Variants in ADAMTS17 observed in about 807,000 individuals in gnomAD.
The protein encoded by ADAMTS17 is ADAM metallopeptidase with thrombospondin type 1 motif 17, also known as A disintegrin and metalloproteinase with thrombospondin motifs 17.
Under a neutral mutation model 141.5 loss-of-function variants are expected in ADAMTS17, and 113 were observed. The observed-to-expected ratio is 0.80, with a 90% CI of 0.69 to 0.93. The LOEUF is 0.93. Among genes scored for constraint, ADAMTS17 ranks in the 40% least tolerant of loss-of-function variants. ADAMTS17 has a pLI of 0.00. For missense variants in ADAMTS17, 1,659 were observed against 1,517.9 expected (o/e 1.09, Z -1.54); for synonymous variants, 768 against 630.6 (o/e 1.22, Z -3.27).
Position 100,291,697 on chromosome 15 carries a change from G to A in ADAMTS17, c.617-10296C>T, listed in dbSNP as rs149682973. Among the ~76,000 whole-genome samples the A allele has an allele frequency of 3.3e-5, 5 of 152,272 alleles. No individual in the cohort carries two copies. In the East Asian group the frequency reaches 9.7e-4, roughly 29 times the overall value. On this transcript the variant is annotated intron_variant, in intron 3 of 21. Transcript: ENST00000268070. ...GAGATCATGTCCTCTGCAGCACATG[G>A]ATGGAGCGAAAGGCCATCATCCTAA...
chr15:100,263,285 A>G (rs1269641523), intron 4 of ADAMTS17, among the ~76,000 whole-genome samples: 1 of 152,096 alleles, frequency 6.6e-6, no homozygotes, highest in Non-Finnish European at 1.5e-5. Flanking sequence ...AAACACAGAA[A>G]CCAGTTCATC....
At chr15:100,307,390 C>G (rs1048289062) in intron 3 of ADAMTS17, among the ~76,000 whole-genome samples, 1 of 152,174 alleles carries the variant, frequency 6.6e-6, no homozygotes, top group South Asian at 2.1e-4. Context: ...TCAGGAAAGA[C>G]CTGCCTGAGA....
At chr15:100,259,257 T>C (rs975662240) in intron 6 of ADAMTS17, among the ~76,000 whole-genome samples, 8 of 152,240 alleles carry the variant, frequency 5.3e-5, no homozygotes, top group Non-Finnish European at 8.8e-5. Flanking sequence ...CATTTACTTA[T>C]GATCATGCAC....
chr15:100,298,839 T>C (rs775782795), intron 3 of ADAMTS17, among the ~76,000 whole-genome samples: 3 of 152,184 alleles, frequency 2.0e-5, no homozygotes, highest in Non-Finnish European at 2.9e-5. Context: ...CTCTAATAAA[T>C]ATTCAATGCA....
chr15:100,120,769 TAC>T (rs2037411937), intron 12 of ADAMTS17, among the ~76,000 whole-genome samples: 1 of 152,262 alleles, frequency 6.6e-6, no homozygotes, highest in Admixed American at 6.5e-5. Flanking sequence ...TTTCTAGAGT[TAC>T]TGCATTCTAA....
intron 13 of ADAMTS17, among the ~76,000 whole-genome samples, chr15:100,113,484 G>A (rs1327640221): frequency 6.6e-6 from 1 of 152,150 alleles, no homozygotes; most frequent in Non-Finnish European, 1.5e-5. Flanking sequence ...TTTGGTTGAT[G>A]CACTGTCATT....
intron 18 of ADAMTS17, among the ~76,000 whole-genome samples, chr15:100,002,725 T>C (rs1173032368): frequency 6.6e-6 from 1 of 152,146 alleles, no homozygotes; most frequent in Non-Finnish European, 1.5e-5. Context: ...GGAGGGGCAC[T>C]GTTTTCACAT....
chr15:100,311,054 C>T (rs917640537), intron 3 of ADAMTS17, among the ~76,000 whole-genome samples: 8 of 152,206 alleles, frequency 5.3e-5, no homozygotes, highest in African/African-American at 1.7e-4. Flanking sequence ...GAAGGCTAGA[C>T]CTTTTTGCAG....
chr15:100,158,012 C>T (rs2039514994), intron 8 of ADAMTS17, among the ~76,000 whole-genome samples: 1 of 152,116 alleles, frequency 6.6e-6, no homozygotes, highest in African/African-American at 2.4e-5. Flanking sequence ...CCTCAGCCTC[C>T]CGAATAGCTG....
In ADAMTS17 at chr15:100,283,265, G is replaced by A. The variant is rs2044343075; in HGVS notation, c.617-1864C>T. Among the ~76,000 whole-genome samples, 5 of 152,328 alleles carry A rather than the reference G, an allele frequency of 3.3e-5. No homozygotes were observed. The South Asian group carries it at 1.0e-3, about 32-fold the overall frequency. ...TCCGGGCCTCAGTGATGGAATAAGG[G>A]AAGAAAGCATCCATTCTAACACAAA... On this transcript the variant is annotated intron_variant, in intron 3 of 21. Transcript: ENST00000268070.
intron 18 of ADAMTS17, among the ~76,000 whole-genome samples, chr15:99,998,693 C>T (rs780790264): frequency 6.6e-5 from 10 of 152,156 alleles, no homozygotes; most frequent in Non-Finnish European, 8.8e-5. Flanking sequence ...GGCCTCAGGG[C>T]GCTGGAAAGC....
At chr15:100,149,877 G>A (rs575723166) in intron 10 of ADAMTS17, among the ~76,000 whole-genome samples, 2 of 152,160 alleles carry the variant, frequency 1.3e-5, no homozygotes, top group African/African-American at 2.4e-5. Flanking sequence ...ATTTTCTCCA[G>A]TGTGCACAGT....
intron 3 of ADAMTS17, among the ~76,000 whole-genome samples, chr15:100,301,316 A>G (rs1014716778): frequency 6.1e-5 from 9 of 147,572 alleles, no homozygotes; most frequent in South Asian, 4.3e-4. Flanking sequence ...CTACTGTTCT[A>G]TGTGAGTTAT....
chr15:99,977,376 ATATATATATATATATATATATATAAT>A (rs1567632173), intron 20 of ADAMTS17, among the ~76,000 whole-genome samples: 7 of 16,630 alleles, frequency 4.2e-4, no homozygotes, highest in African/African-American at 1.9e-3. Flanking sequence ...ATATATATAT[ATATATATATATATATATATATATAAT>A]TTTTTTTTTT....
chr15:100,332,404 C>T (rs1225688485), intron 2 of ADAMTS17, among the ~76,000 whole-genome samples: 2 of 152,188 alleles, frequency 1.3e-5, no homozygotes, highest in African/African-American at 4.8e-5. Flanking sequence ...GGGCAGGGTA[C>T]GGCACAGTGC....
chr15:100,211,139 T>TAAATAACTAAAA (rs1418716333), intron 7 of ADAMTS17, among the ~76,000 whole-genome samples: 1 of 141,316 alleles, frequency 7.1e-6, no homozygotes. Context: ...AATAAATAAA[T>TAAATAACTAAAA]AAAAATACAA....
chr15:100,036,500 T>C (rs1033854807), intron 18 of ADAMTS17, among the ~76,000 whole-genome samples: 3 of 152,240 alleles, frequency 2.0e-5, no homozygotes, highest in Non-Finnish European at 2.9e-5. Flanking sequence ...TCTGGGCTGG[T>C]GTGTCAGCCT....
chr15:99,979,410 C>T (rs1392811166), intron 20 of ADAMTS17: 2 of 149,638 alleles, frequency 1.3e-5, no homozygotes, highest in Non-Finnish European at 3.0e-5. Flanking sequence ...AAATCACTTA[C>T]AAAAGCAATC....
chr15:100,193,004 C>T (rs1183242915), intron 8 of ADAMTS17, among the ~76,000 whole-genome samples: 4 of 152,220 alleles, frequency 2.6e-5, no homozygotes, highest in Non-Finnish European at 4.4e-5. Flanking sequence ...TCCTTCCCGA[C>T]GTCCACTGTC....
Sources: allele counts gnomAD v4.1 joint callset (sites outside exome capture counted in the v4.1 genomes callset), GRCh38; gene constraint gnomAD v4.1.1; transcripts MANE v1.5; gene names NCBI Gene and HGNC (gene_info 2026-07-23, HGNC 2026-07-21).